Variants in RFFL observed in about 807,000 individuals in gnomAD.
The protein encoded by RFFL is E3 ubiquitin-protein ligase rififylin.
RFFL carries 16 observed loss-of-function variants against 40.4 expected under a neutral mutation model. The ratio of observed to expected loss-of-function variants is 0.40; its 90% CI spans 0.27 to 0.60. The LOEUF (loss-of-function observed/expected upper bound fraction) is 0.60. Among genes scored for constraint, RFFL ranks in the 20% least tolerant of loss-of-function variants. The probability of loss-of-function intolerance (pLI) is 0.47; values close to 1 mark genes in which losing one functional copy is unlikely to be tolerated. For missense variants in RFFL, 367 were observed against 451.7 expected (o/e 0.81, Z 1.70); for synonymous variants, 154 against 167.9 (o/e 0.92, Z 0.64).
At chr17:35,086,962 T>C (rs1410829309) in intron 1 of RFFL, among the ~76,000 whole-genome samples, 1 of 152,240 alleles carries the variant, frequency 6.6e-6, no homozygotes, top group African/African-American at 2.4e-5. Context: ...TAAATAACAA[T>C]GCACATGTAA....
At chr17:35,040,985 C>T (rs992614496) in intron 1 of RFFL, among the ~76,000 whole-genome samples, 1 of 150,686 alleles carries the variant, frequency 6.6e-6, no homozygotes, top group Non-Finnish European at 1.5e-5. Flanking sequence ...CTCTAAGGAT[C>T]CTCCTGCGTC....
chr17:35,033,921 T>C (rs1650464576), intron 1 of RFFL, among the ~76,000 whole-genome samples: 1 of 151,776 alleles, frequency 6.6e-6, no homozygotes, highest in Non-Finnish European at 1.5e-5. Flanking sequence ...GGTGGGCGGA[T>C]CACGAGGTCA....
chr17:35,026,321 GC>G, intron 2 of RFFL, 52 bp downstream of exon 2: 2 of 1,576,288 alleles, frequency 1.3e-6, no homozygotes, highest in Non-Finnish European at 1.7e-6. Flanking sequence ...AGTGGCGCTT[GC>G]CCATGGTCCA....
At chr17:35,028,980 G>A (rs1392204617) in intron 1 of RFFL, among the ~76,000 whole-genome samples, 1 of 151,980 alleles carries the variant, frequency 6.6e-6, no homozygotes, top group Non-Finnish European at 1.5e-5. Context: ...TAGTCTAACA[G>A]TGCCCAATTA....
chr17:35,007,916 T>C lies in RFFL; in HGVS notation c.*4052A>G, dbSNP rs142173957. ...CATCACTCGCAGCTAAGTTTTTGTA[T>C]TTTTAGTAGAGACCACGTTTCGCCA... On this transcript the variant is annotated 3_prime_UTR_variant, in exon 7 of 7. Coordinates refer to ENST00000394597, the MANE Select transcript of RFFL (RefSeq NM_001017368.2). The C allele has an allele frequency of 6.0e-4, 92 of 152,266 alleles. No individual in the cohort carries two copies. The highest frequency in any genetic ancestry group is 2.1e-3 in the African/African-American group (89 of 41,552). 9.4% of individuals were successfully genotyped at this position (152,266 alleles called of 1,614,324 possible). A position where few individuals can be genotyped will look rare whatever the true frequency, so the allele number is the denominator to read the frequency against.
intron 1 of RFFL, among the ~76,000 whole-genome samples, chr17:35,053,078 T>C (rs2142358930): frequency 6.6e-6 from 1 of 152,340 alleles, no homozygotes; most frequent in East Asian, 1.9e-4. Flanking sequence ...GGAGCCAGAC[T>C]GAGTATTCAG....
intron 3 of RFFL, among the ~76,000 whole-genome samples, chr17:35,019,666 G>T (rs906597581): frequency 1.3e-5 from 2 of 151,844 alleles, no homozygotes; most frequent in East Asian, 1.9e-4. Context: ...GAACCACCAC[G>T]CCCAGCCAAG....
At chr17:35,030,852 C>T (rs1420464622) in intron 1 of RFFL, among the ~76,000 whole-genome samples, 2 of 152,066 alleles carry the variant, frequency 1.3e-5, no homozygotes, top group African/African-American at 2.4e-5. Context: ...GCTCTACTTA[C>T]TTAAGGGCTG....
intron 1 of RFFL, among the ~76,000 whole-genome samples, chr17:35,062,557 T>G (rs771665377): frequency 1.5e-4 from 23 of 152,270 alleles, no homozygotes; most frequent in Non-Finnish European, 2.2e-4. Flanking sequence ...ATACTATGAT[T>G]GGAGTAAATA....
At chr17:35,016,902 T>C (rs2090977460) in intron 4 of RFFL, among the ~76,000 whole-genome samples, 1 of 152,160 alleles carries the variant, frequency 6.6e-6, no homozygotes, top group South Asian at 2.1e-4. Context: ...CCTCTGCTGT[T>C]AATGCTAAAT....
intron 1 of RFFL, 49 bp from the exon 2 acceptor site, chr17:35,026,610 T>G: frequency 3.2e-5 from 47 of 1,476,266 alleles, no homozygotes; most frequent in Non-Finnish European, 4.3e-5. Context: ...GACACACCTC[T>G]ACTGTCCTTT....
At chr17:35,012,401 A>T (rs544743035) in intron 6 of RFFL, among the ~76,000 whole-genome samples, 1 of 152,324 alleles carries the variant, frequency 6.6e-6, no homozygotes, top group South Asian at 2.1e-4. Context: ...GCACTTGTGG[A>T]TCAGACACAT....
chr17:35,037,989 T>G (rs2091134445), intron 1 of RFFL, among the ~76,000 whole-genome samples: 1 of 152,022 alleles, frequency 6.6e-6, no homozygotes, highest in Non-Finnish European at 1.5e-5. Flanking sequence ...TTGATAAGGA[T>G]AAAGAGCAAC....
intron 3 of RFFL, among the ~76,000 whole-genome samples, chr17:35,019,825 A>G (rs2090997584): frequency 6.6e-6 from 1 of 152,232 alleles, no homozygotes; most frequent in Admixed American, 6.5e-5. Flanking sequence ...GGAAAGAATT[A>G]AAGTCCAGCT....
intron 1 of RFFL, among the ~76,000 whole-genome samples, chr17:35,078,059 T>G (rs984952214): frequency 6.6e-6 from 1 of 152,206 alleles, no homozygotes; most frequent in African/African-American, 2.4e-5. Flanking sequence ...ACATAAATTC[T>G]TTCTCCAAGT....
At chr17:35,022,641 C>T (rs1395853723) in intron 2 of RFFL, among the ~76,000 whole-genome samples, 1 of 152,128 alleles carries the variant, frequency 6.6e-6, no homozygotes, top group African/African-American at 2.4e-5. Flanking sequence ...GGCCATACTG[C>T]ATAGCTCAGT....
chr17:35,011,492 C>G lies in RFFL; in HGVS notation c.*476G>C, dbSNP rs2090937739. On this transcript the variant is annotated 3_prime_UTR_variant, in exon 7 of 7. Coordinates refer to ENST00000394597, the MANE Select transcript of RFFL (RefSeq NM_001017368.2). ...TGGATTTAGGCAATGTAGCAAGAGA[C>G]TTTAGCAAAGATAGTTAAAGCACAG... is the stretch of plus-strand genomic sequence containing the variant. The G allele has an allele frequency of 6.3e-6, 1 of 159,250 alleles. No individual in the cohort carries two copies. Among genetic ancestry groups the G allele is most frequent in the African/African-American group, 2.4e-5 (1 of 41,528 alleles). 9.9% of individuals were successfully genotyped at this position (159,250 alleles called of 1,614,324 possible). A position where few individuals can be genotyped will look rare whatever the true frequency, so the allele number is the denominator to read the frequency against.
At chr17:35,071,256 T>TA (rs1463267157) in intron 1 of RFFL, among the ~76,000 whole-genome samples, 13 of 151,604 alleles carry the variant, frequency 8.6e-5, no homozygotes, top group African/African-American at 3.1e-4. Context: ...CTGGTGAGGA[T>TA]GCAGAGAAAC....
At chr17:35,026,007 A>T (rs1161995922) in intron 2 of RFFL, among the ~76,000 whole-genome samples, 1 of 152,224 alleles carries the variant, frequency 6.6e-6, no homozygotes, top group African/African-American at 2.4e-5. Context: ...CATTCTAAGC[A>T]TTGTGCTAGG....
Sources: gnomAD v4.1 joint callset for allele counts (sites outside exome capture counted in the v4.1 genomes callset) on GRCh38, gnomAD v4.1.1 for gene constraint, MANE v1.5 for transcripts, NCBI Gene and HGNC (gene_info 2026-07-23, HGNC 2026-07-21) for gene names.